Variants in ZNF592 observed in about 807,000 individuals in gnomAD.
The protein encoded by ZNF592 is spinocerebellar ataxia, autosomal recessive 5.
A neutral mutation model predicts 80.3 loss-of-function variants in ZNF592; 11 were observed. The ratio of observed to expected loss-of-function variants is 0.14; its 90% CI spans 0.09 to 0.23. The LOEUF (loss-of-function observed/expected upper bound fraction) is 0.23. Among genes scored for constraint, ZNF592 ranks in the 10% least tolerant of loss-of-function variants. The pLI is 1.00. For missense variants in ZNF592, 1,420 were observed against 1,633.9 expected, an observed-to-expected ratio of 0.87 and a Z score of 2.26; for synonymous variants, 646 against 640.3, an observed-to-expected ratio of 1.01 and a Z score of -0.13.
At chr15:84,750,127 C>A (rs1221659999) in intron 1 of ZNF592, among the ~76,000 whole-genome samples, 1 of 152,152 alleles carries the variant, frequency 6.6e-6, no homozygotes, top group Non-Finnish European at 1.5e-5. Flanking sequence ...CATGGTGAAA[C>A]CCCGTCTCCA....
intron 2 of ZNF592, among the ~76,000 whole-genome samples, chr15:84,773,161 A>T (rs963778305): frequency 6.6e-6 from 1 of 151,002 alleles, no homozygotes; most frequent in African/African-American, 2.4e-5. Flanking sequence ...AGATAAAATC[A>T]TCTTTTGTCT....
chr15:84,749,754 A>T (rs796665061), intron 1 of ZNF592, among the ~76,000 whole-genome samples: 2 of 152,152 alleles, frequency 1.3e-5, no homozygotes, highest in South Asian at 4.1e-4. Flanking sequence ...GGCCTGGTGG[A>T]TGCTTGGTGG....
intron 2 of ZNF592, among the ~76,000 whole-genome samples, chr15:84,773,490 C>T (rs1043471130): frequency 5.9e-5 from 9 of 151,990 alleles, no homozygotes; most frequent in Non-Finnish European, 1.0e-4. Flanking sequence ...GGATTACAGG[C>T]GTGAGCCATC....
intron 1 of ZNF592, among the ~76,000 whole-genome samples, chr15:84,755,642 A>G (rs758162771): frequency 3.3e-5 from 5 of 152,152 alleles, no homozygotes; most frequent in East Asian, 1.9e-4. Context: ...TTTTCTTCCT[A>G]TCATTTGAAT....
At chr15:84,785,892 T>C (rs1962574406) in intron 4 of ZNF592, among the ~76,000 whole-genome samples, 3 of 151,098 alleles carry the variant, frequency 2.0e-5, no homozygotes, top group African/African-American at 7.3e-5. Context: ...CCTTCTGCGC[T>C]GAGAATACCC....
intron 2 of ZNF592, among the ~76,000 whole-genome samples, chr15:84,774,081 A>G (rs1050870838): frequency 3.3e-5 from 5 of 152,346 alleles, no homozygotes; most frequent in South Asian, 2.1e-4. Context: ...TAAAAGTATA[A>G]TTGGTATTGC....
intron 1 of ZNF592, among the ~76,000 whole-genome samples, chr15:84,759,652 T>C (rs1899283141): frequency 6.6e-6 from 1 of 152,156 alleles, no homozygotes; most frequent in Admixed American, 6.6e-5. Context: ...GTAGGTTTAA[T>C]TACCAGGAAT....
intron 1 of ZNF592, among the ~76,000 whole-genome samples, chr15:84,763,244 A>G (rs911964077): frequency 2.0e-5 from 3 of 152,172 alleles, no homozygotes; most frequent in South Asian, 2.1e-4. Context: ...AGATTCCTAC[A>G]CATCCAAGCA....
rs531475693 is a variant in ZNF592 at position 84,767,858 on chromosome 15, TTTTTA to T, written c.-150+3047_-150+3051del. On this transcript the variant is annotated intron_variant, in intron 2 of 10. Transcript: ENST00000560079. ...TGTTCACGGACTTGTATTTTCTTTTTTTTTATTTGTTTCTTTTCTTTTCTTTTCTT... is the reference window on the plus strand; with the variant it reads ...TGTTCACGGACTTGTATTTTCTTTTTTTTGTTTCTTTTCTTTTCTTTTCTT... 4.6e-3 allele frequency among the ~76,000 whole-genome samples: 705 copies of T among 152,054 alleles called. 3 individuals carry two copies. The highest frequency in any genetic ancestry group is 6.9e-3 in the Non-Finnish European group (471 of 67,960).
At chr15:84,787,441 G>A (rs2141990636) in intron 4 of ZNF592, among the ~76,000 whole-genome samples, 1 of 152,342 alleles carries the variant, frequency 6.6e-6, no homozygotes. Flanking sequence ...TGGCTGCTGG[G>A]CTTGGGTTTT....
At chr15:84,800,910 G>C (rs900040032) in intron 10 of ZNF592, among the ~76,000 whole-genome samples, 2 of 152,200 alleles carry the variant, frequency 1.3e-5, no homozygotes, top group Admixed American at 1.3e-4. Flanking sequence ...CCCCACATTG[G>C]GTTAGTGTGC....
At chr15:84,785,273 T>C (rs778307200) in intron 4 of ZNF592, among the ~76,000 whole-genome samples, 9 of 151,940 alleles carry the variant, frequency 5.9e-5, no homozygotes, top group Non-Finnish European at 1.0e-4. Context: ...GATAGCTGAG[T>C]CACTGCCCCT....
At chr15:84,768,821 G>A (rs964333192) in intron 2 of ZNF592, among the ~76,000 whole-genome samples, 10 of 152,182 alleles carry the variant, frequency 6.6e-5, no homozygotes, top group Non-Finnish European at 1.0e-4. Context: ...TTTAAAAAGT[G>A]AAACAAAAAT....
At chr15:84,775,810 C>G (rs568794368) in intron 2 of ZNF592, among the ~76,000 whole-genome samples, 3 of 152,260 alleles carry the variant, frequency 2.0e-5, no homozygotes, top group Admixed American at 2.0e-4. Context: ...CTAAGATGCT[C>G]CTTACCCACA....
At chr15:84,772,455 C>T (rs1249833534) in intron 2 of ZNF592, among the ~76,000 whole-genome samples, 6 of 152,028 alleles carry the variant, frequency 3.9e-5, no homozygotes, top group East Asian at 1.9e-4. Flanking sequence ...GAGCCTGAGG[C>T]GAGAGGATCA....
Position 84,798,938 on chromosome 15 carries a change from A to T in ZNF592, c.3024+63A>T. On this transcript the variant is annotated intron_variant, in intron 8 of 10. Coordinates refer to ENST00000560079, the MANE Select transcript of ZNF592 (RefSeq NM_014630.3). The surrounding 1 kb of genome is among the most constrained non-coding windows in gnomAD (Gnocchi z 4.5). ...CCTCTGGACTTCCTTCTGTGAAGCC[A>T]GAACCCCTAGGGTTCCTGGTGCTTA... 1 of 1,599,472 alleles carries T rather than the reference A, an allele frequency of 6.3e-7. No homozygotes were observed. The highest frequency in any genetic ancestry group is 1.7e-5 in the Admixed American group (1 of 59,706).
Position 84,802,550 on chromosome 15 carries a change from C to T in ZNF592, c.*157C>T, listed in dbSNP as rs1963132305. 5 of 860,522 alleles carry T rather than the reference C, an allele frequency of 5.8e-6. No homozygotes were observed. Among genetic ancestry groups the T allele is most frequent in the Admixed American group, 2.4e-5 (1 of 42,378 alleles). The allele number at this position is 860,522 out of a possible 1,614,324, so 53.3% of individuals were successfully genotyped here. A position where few individuals can be genotyped will look rare whatever the true frequency, so the allele number is the denominator to read the frequency against. ...CCTGAGCTGCCAGTGCTGGGTATCC[C>T]CCAGCCCCAGGAAATGTGGGGTCGG... On this transcript the variant is annotated 3_prime_UTR_variant, in exon 11 of 11. Coordinates refer to ENST00000560079, the MANE Select transcript of ZNF592 (RefSeq NM_014630.3).
intron 2 of ZNF592, among the ~76,000 whole-genome samples, chr15:84,767,683 C>G (rs1899569804): frequency 6.6e-6 from 1 of 151,900 alleles, no homozygotes; most frequent in Admixed American, 6.6e-5. Context: ...TTCTGCTTGT[C>G]CCAGTCAGTT....
At chr15:84,756,052 T>G (rs1899160664) in intron 1 of ZNF592, among the ~76,000 whole-genome samples, 1 of 152,176 alleles carries the variant, frequency 6.6e-6, no homozygotes, top group South Asian at 2.1e-4. Flanking sequence ...TATGGACCAT[T>G]GGGCTCAGTC....
Sources: allele counts gnomAD v4.1 joint callset (sites outside exome capture counted in the v4.1 genomes callset), GRCh38; gene constraint gnomAD v4.1.1; non-coding constraint Gnocchi (gnomAD v3.1); transcripts MANE v1.5; gene names NCBI Gene and HGNC (gene_info 2026-07-23, HGNC 2026-07-21).